The following SPMIP4 variants were observed in gnomAD, a reference collection of about 807,000 sequenced individuals.
SPMIP4 encodes sperm microtubule inner protein 4, also known as sperm-associated microtubule inner protein 4.
At chr7:25,148,474 C>T in the SPMIP4 span, among the ~76,000 whole-genome samples, 1 of 71,774 alleles carries the variant, frequency 1.4e-5, no homozygotes, top group Non-Finnish European at 3.0e-5. Context: ...ACAGAATCTG[C>T]CTCTTTTTTT....
the SPMIP4 span, among the ~76,000 whole-genome samples, chr7:25,168,730 GTT>G: frequency 7.2e-6 from 1 of 138,740 alleles, no homozygotes; most frequent in Non-Finnish European, 1.6e-5. Flanking sequence ...TTTCATTTTC[GTT>G]TTTTTTTTTT....
the SPMIP4 span, among the ~76,000 whole-genome samples, chr7:25,167,364 G>A: frequency 6.6e-6 from 1 of 152,196 alleles, no homozygotes; most frequent in Non-Finnish European, 1.5e-5. Context: ...TGTAAAACAA[G>A]GATGGCAGTA....
the SPMIP4 span, among the ~76,000 whole-genome samples, chr7:25,145,293 A>G: frequency 6.6e-6 from 1 of 152,160 alleles, no homozygotes; most frequent in African/African-American, 2.4e-5. Context: ...ATATTGTTCT[A>G]TGAGGCTGGA....
the SPMIP4 span, among the ~76,000 whole-genome samples, chr7:25,170,909 G>A: frequency 6.6e-6 from 1 of 152,134 alleles, no homozygotes; most frequent in African/African-American, 2.4e-5. Context: ...TTTATCTAGG[G>A]CTACTATAAC....
chr7:25,142,392 A>T, the SPMIP4 span: 1 of 1,230,512 alleles, frequency 8.1e-7, no homozygotes, highest in Non-Finnish European at 1.2e-6. Flanking sequence ...CAGTTATATT[A>T]CCCTTTATAG....
At chr7:25,178,278 T>C in the SPMIP4 span, among the ~76,000 whole-genome samples, 1 of 152,246 alleles carries the variant, frequency 6.6e-6, no homozygotes, top group Non-Finnish European at 1.5e-5. Context: ...TACTTGTGCA[T>C]GTGTCTTTAT....
the SPMIP4 span, among the ~76,000 whole-genome samples, chr7:25,164,537 C>T: frequency 6.6e-6 from 1 of 152,242 alleles, no homozygotes. Context: ...TTGGGTTGTT[C>T]TATCAAGTAA....
the SPMIP4 span, among the ~76,000 whole-genome samples, chr7:25,127,871 G>C: frequency 2.7e-3 from 417 of 152,278 alleles, 2 homozygotes; most frequent in African/African-American, 9.6e-3. Flanking sequence ...AAGGGACTTG[G>C]GTGTTGTGAT....
At chr7:25,172,678 C>A in the SPMIP4 span, among the ~76,000 whole-genome samples, 1 of 152,134 alleles carries the variant, frequency 6.6e-6, no homozygotes, top group Non-Finnish European at 1.5e-5. This position sits in a 1 kb window ranked among gnomAD's most constrained non-coding sequence, Gnocchi z 4.2. Context: ...AAATGCTATC[C>A]CTATCCTTGT....
the SPMIP4 span, among the ~76,000 whole-genome samples, chr7:25,169,978 T>G: frequency 2.6e-5 from 4 of 152,236 alleles, no homozygotes. Context: ...TTTTCACCTT[T>G]TAACTCTCGT....
the SPMIP4 span, among the ~76,000 whole-genome samples, chr7:25,158,244 T>G: frequency 1.3e-5 from 2 of 151,798 alleles, no homozygotes; most frequent in East Asian, 1.9e-4. Context: ...GGTGCACACC[T>G]GTAGTCCCAG....
the SPMIP4 span, among the ~76,000 whole-genome samples, chr7:25,148,477 C>CT: frequency 3.2e-3 from 413 of 128,180 alleles, 8 homozygotes; most frequent in African/African-American, 0.01. Context: ...GAATCTGCCT[C>CT]TTTTTTTTTT....
At chr7:25,175,821 C>G in the SPMIP4 span, among the ~76,000 whole-genome samples, 1 of 152,170 alleles carries the variant, frequency 6.6e-6, no homozygotes, top group South Asian at 2.1e-4. Context: ...AATGATAGAA[C>G]AGAGTTACCA....
At chr7:25,142,451 A>T in the SPMIP4 span, 1 of 889,504 alleles carries the variant, frequency 1.1e-6, no homozygotes, top group Non-Finnish European at 1.7e-6. Context: ...AATAAAATGA[A>T]AACCAACCCT....
the SPMIP4 span, among the ~76,000 whole-genome samples, chr7:25,171,225 T>C: frequency 2.0e-5 from 3 of 152,230 alleles, no homozygotes; most frequent in Non-Finnish European, 4.4e-5. Context: ...ATCTTGAAAC[T>C]GGTAGCTCAG....
the SPMIP4 span, chr7:25,134,821 T>C: frequency 1.0e-6 from 1 of 985,412 alleles, no homozygotes; most frequent in Non-Finnish European, 1.2e-6. Flanking sequence ...CATTACATAT[T>C]AAAGGCTATA....
At chr7:25,142,189 G>A in the SPMIP4 span, 1 of 1,338,756 alleles carries the variant, frequency 7.5e-7, no homozygotes, top group Non-Finnish European at 1.1e-6. Flanking sequence ...AAAGCAAGAA[G>A]GAGCCCAGCA....
the SPMIP4 span, among the ~76,000 whole-genome samples, chr7:25,129,403 G>A: frequency 6.6e-6 from 1 of 152,084 alleles, no homozygotes; most frequent in Non-Finnish European, 1.5e-5. Flanking sequence ...GTTTTTCACT[G>A]TGACAGGGCA....
the SPMIP4 span, among the ~76,000 whole-genome samples, chr7:25,138,884 T>C: frequency 1.3e-5 from 2 of 152,242 alleles, no homozygotes; most frequent in East Asian, 1.9e-4. The surrounding 1 kb of genome is among the most constrained non-coding windows in gnomAD (Gnocchi z 6.2). Flanking sequence ...TGAGGTGTCA[T>C]GTCTGTGCTT....
Sources: gnomAD v4.1 joint callset for allele counts (sites outside exome capture counted in the v4.1 genomes callset) on GRCh38, gnomAD v4.1.1 for gene constraint, Gnocchi (gnomAD v3.1) non-coding constraint, MANE v1.5 for transcripts, NCBI Gene and HGNC (gene_info 2026-07-23, HGNC 2026-07-21) for gene names.